The following TLCD3B variants were observed in gnomAD, a reference collection of about 807,000 sequenced individuals.
The protein encoded by TLCD3B is ceramide synthase.
In TLCD3B, 9 loss-of-function variants were observed where a neutral mutation model predicts 23.0. That is an observed-to-expected ratio of 0.39 (90% CI 0.24 to 0.68). TLCD3B has a LOEUF of 0.68. Ranked by LOEUF, TLCD3B falls within the 30% of genes least tolerant of loss-of-function variation. The pLI is 0.44. For synonymous variants in TLCD3B, 161 were observed against 161.0 expected (o/e 1.00, Z 0.00); for missense variants, 307 against 371.8 (o/e 0.83, Z 1.43).
intron 2 of TLCD3B, among the ~76,000 whole-genome samples, chr16:30,027,326 A>G (rs4238959): frequency 0.46 from 70,371 of 151,622 alleles, 16,477 homozygotes; most frequent in African/African-American, 0.51. Flanking sequence ...TCCCATGCAT[A>G]GCCTTATTTA....
intron 2 of TLCD3B, among the ~76,000 whole-genome samples, chr16:30,044,004 C>T (rs2150995905): frequency 7.2e-6 from 1 of 138,266 alleles, no homozygotes; most frequent in East Asian, 2.1e-4. Context: ...ATGAGCTAAC[C>T]ATGTCCTTTT....
At position 30,026,096 on chromosome 16, in the gene TLCD3B, G is replaced by A. The variant is rs137949194; in HGVS notation, c.445-275C>T. ...AAAATACCAAAAAAATTAGCCAGGC[G>A]TGTTGGTGGGCACCTGTAATCCCAG... On this transcript the variant is annotated intron_variant, in intron 3 of 4. Transcript: ENST00000380495. Among the ~76,000 whole-genome samples the A allele has an allele frequency of 9.1e-3, 1,379 of 152,278 alleles. 12 individuals are homozygous for A. The highest frequency in any genetic ancestry group is 0.014 in the Non-Finnish European group (973 of 68,020).
At chr16:30,043,063 G>A (rs1000329433) in intron 2 of TLCD3B, among the ~76,000 whole-genome samples, 1 of 151,888 alleles carries the variant, frequency 6.6e-6, no homozygotes, top group African/African-American at 2.4e-5. Flanking sequence ...TCAGACCACT[G>A]CACTCCAGCC....
upstream of TLCD3B, among the ~76,000 whole-genome samples, chr16:30,035,795 T>C (rs1567305472): frequency 6.7e-6 from 1 of 149,868 alleles, no homozygotes; most frequent in Non-Finnish European, 1.5e-5. Context: ...GCAGTCTTAC[T>C]CTTGTTGCCC....
At chr16:30,034,194 C>T (rs1192696885), upstream of TLCD3B, among the ~76,000 whole-genome samples, 3 of 151,722 alleles carry the variant, frequency 2.0e-5, no homozygotes, top group Admixed American at 6.6e-5. Flanking sequence ...CAGGGAGAAT[C>T]ACTTGTCAGG....
intron 1 of TLCD3B, among the ~76,000 whole-genome samples, chr16:30,051,571 A>G (rs1009238176): frequency 3.3e-5 from 5 of 152,104 alleles, no homozygotes; most frequent in South Asian, 2.1e-4. Context: ...GAAAGAAAGA[A>G]AAAGAATCAG....
At chr16:30,027,782 G>A in intron 2 of TLCD3B, 1 of 409,348 alleles carries the variant, frequency 2.4e-6, no homozygotes, top group East Asian at 7.2e-5. Context: ...ACTGGCCTGG[G>A]GTGGGGGCAG....
upstream of TLCD3B, among the ~76,000 whole-genome samples, chr16:30,035,788 G>A (rs573663131): frequency 2.9e-5 from 4 of 138,292 alleles, no homozygotes; most frequent in Non-Finnish European, 6.1e-5. Context: ...TTGAGATGCA[G>A]TCTTACTCTT....
intron 1 of TLCD3B, among the ~76,000 whole-genome samples, chr16:30,047,662 T>C (rs1015453543): frequency 2.0e-5 from 3 of 151,976 alleles, no homozygotes; most frequent in Non-Finnish European, 4.4e-5. Flanking sequence ...ATTCATCATG[T>C]TGGCCAGGCT....
At chr16:30,048,793 C>A (rs919232712) in intron 1 of TLCD3B, among the ~76,000 whole-genome samples, 2 of 151,240 alleles carry the variant, frequency 1.3e-5, no homozygotes, top group Non-Finnish European at 2.9e-5. Context: ...TTTTTGGGGG[C>A]GGAGTCTCTG....
intron 2 of TLCD3B, among the ~76,000 whole-genome samples, chr16:30,028,739 C>A (rs1187617215): frequency 1.3e-5 from 2 of 152,152 alleles, no homozygotes; most frequent in African/African-American, 4.8e-5. Flanking sequence ...GGAAGCGGTG[C>A]TGAAAGCTAC....
chr16:30,039,737 A>G (rs1012932788), intron 3 of TLCD3B, among the ~76,000 whole-genome samples: 1 of 151,910 alleles, frequency 6.6e-6, no homozygotes, highest in African/African-American at 2.4e-5. Flanking sequence ...TTGGCCTCCT[A>G]AAGTGCTGGG....
chr16:30,028,357 C>T (rs11150584), intron 2 of TLCD3B, among the ~76,000 whole-genome samples: 3 of 151,814 alleles, frequency 2.0e-5, no homozygotes, highest in Non-Finnish European at 4.4e-5. Flanking sequence ...GCAGGGAAGA[C>T]GGACAGGAAC....
At chr16:30,041,239 T>C (rs996393047) in intron 2 of TLCD3B, 1 of 152,058 alleles carries the variant, frequency 6.6e-6, no homozygotes, top group Non-Finnish European at 1.5e-5. Context: ...ACAAGAGATA[T>C]CTTTTATTTT....
intron 3 of TLCD3B, among the ~76,000 whole-genome samples, chr16:30,040,133 CAAAAA>C (rs1205462051): frequency 5.9e-5 from 5 of 84,850 alleles, no homozygotes; most frequent in African/African-American, 2.1e-4. Flanking sequence ...GACTTTGTCT[CAAAAA>C]AAAAAAAAAA....
chr16:30,041,777 G>A (rs990722094), intron 2 of TLCD3B, among the ~76,000 whole-genome samples: 1 of 150,706 alleles, frequency 6.6e-6, no homozygotes, highest in Non-Finnish European at 1.5e-5. Flanking sequence ...GCGCCCAGCC[G>A]AGATATCTTT....
In TLCD3B at chr16:30,024,896, T is replaced by C; in HGVS notation, c.*287A>G. ...GACTCCTGGTCCCCTTGAAACCCTG[T>C]TGGTGTCCCTCCCCACAAGCCCTCC... On this transcript the variant is annotated 3_prime_UTR_variant, in exon 5 of 5. Transcript: ENST00000380495. 1 of 361,570 alleles carries C rather than the reference T, an allele frequency of 2.8e-6. No individual in the cohort carries two copies. Among genetic ancestry groups the C allele is most frequent in the Non-Finnish European group, 4.9e-6 (1 of 202,104 alleles). 22.4% of individuals were successfully genotyped at this position (361,570 alleles called of 1,614,324 possible). A position where few individuals can be genotyped will look rare whatever the true frequency, so the allele number is the denominator to read the frequency against.
Position 30,025,244 on chromosome 16 carries a change from C to G in TLCD3B, c.764G>C (p.Gly255Ala). 1 of 1,533,044 alleles carries G rather than the reference C, an allele frequency of 6.5e-7. No homozygotes were observed. Among genetic ancestry groups the G allele is most frequent in the Non-Finnish European group, 8.8e-7 (1 of 1,140,866 alleles). 95.0% of individuals were successfully genotyped at this position (1,533,044 alleles called of 1,614,324 possible). A position where few individuals can be genotyped will look rare whatever the true frequency, so the allele number is the denominator to read the frequency against. Residue 255 changes from glycine to alanine, a missense_variant, in exon 5 of 5, where the codon GGG (glycine) becomes GCG (alanine). Coordinates refer to ENST00000380495, the MANE Select transcript of TLCD3B (RefSeq NM_031478.6). The surrounding 1 kb of genome is among the most constrained non-coding windows in gnomAD (Gnocchi z 4.1). The part of the protein sequence containing the change: ...QLYWFFLICR[G>A]ACRLFWPRSR... ...GCGGGGCCAGAAGAGGCGGCAGGCC[C>G]CACGGCAGATGAGGAAGAACCAGTA...
At chr16:30,034,843 T>C (rs1172255459), upstream of TLCD3B, among the ~76,000 whole-genome samples, 3 of 151,960 alleles carry the variant, frequency 2.0e-5, no homozygotes, top group Non-Finnish European at 4.4e-5. Context: ...CATTTACCAG[T>C]GAGGGATCTG....
Sources: gnomAD v4.1 joint callset for allele counts (sites outside exome capture counted in the v4.1 genomes callset) on GRCh38, gnomAD v4.1.1 for gene constraint, Gnocchi (gnomAD v3.1) non-coding constraint, MANE v1.5 for transcripts, NCBI Gene and HGNC (gene_info 2026-07-23, HGNC 2026-07-21) for gene names.